CATSPERE: variants seen among roughly 807,000 people sequenced by gnomAD.
CATSPERE encodes the protein catsper channel auxiliary subunit epsilon, also known as cation channel sperm-associated auxiliary subunit epsilon.
Under a neutral mutation model 114.1 loss-of-function variants are expected in CATSPERE, and 93 were observed. The ratio of observed to expected loss-of-function variants is 0.81; its 90% CI spans 0.69 to 0.97. The LOEUF is 0.97. Among genes scored for constraint, CATSPERE ranks in the 50% least tolerant of loss-of-function variants. The pLI is 0.00. For missense variants in CATSPERE, 1,058 were observed against 1,131.6 expected (o/e 0.93, Z 0.93); for synonymous variants, 341 against 384.1 (o/e 0.89, Z 1.31).
At chr1:244,519,635 C>T (rs1001234500) in intron 8 of CATSPERE, among the ~76,000 whole-genome samples, 2 of 152,120 alleles carry the variant, frequency 1.3e-5, no homozygotes, top group East Asian at 1.9e-4. Flanking sequence ...AATGGGATGG[C>T]GTCCTGTCCA....
chr1:244,572,181 A>G, intron 10 of CATSPERE, 149 bp from the exon 11 acceptor site: 1 of 607,354 alleles, frequency 1.6e-6, no homozygotes, highest in East Asian at 2.8e-5. Flanking sequence ...GTGTAAAGTT[A>G]TGGGTTCATA....
At chr1:244,609,084 G>A (rs1001599087) in intron 18 of CATSPERE, among the ~76,000 whole-genome samples, 4 of 152,074 alleles carry the variant, frequency 2.6e-5, no homozygotes, top group African/African-American at 9.7e-5. Flanking sequence ...TACTCGGGAG[G>A]CTGAGGCAGG....
At chr1:244,582,996 A>G (rs1475603702) in intron 12 of CATSPERE, among the ~76,000 whole-genome samples, 1 of 82,398 alleles carries the variant, frequency 1.2e-5, no homozygotes, top group African/African-American at 3.5e-5. Context: ...ACAGAGACTG[A>G]TCAGGAAGAG....
chr1:244,621,299 A>ATTTATATAGATATAGC (rs1672318243), intron 20 of CATSPERE, among the ~76,000 whole-genome samples: 3 of 86,632 alleles, frequency 3.5e-5, no homozygotes, highest in Admixed American at 1.4e-4. Flanking sequence ...ATCTATATAA[A>ATTTATATAGATATAGC]TATATAAATA....
chr1:244,516,136 A>G (rs2148350078), intron 7 of CATSPERE, among the ~76,000 whole-genome samples: 1 of 151,912 alleles, frequency 6.6e-6, no homozygotes, highest in Middle Eastern at 3.5e-3. Flanking sequence ...GGTTGCAGTG[A>G]GCTGTGATTG....
intron 6 of CATSPERE, among the ~76,000 whole-genome samples, chr1:244,494,840 G>A (rs193162897): frequency 5.0e-4 from 76 of 152,208 alleles, no homozygotes; most frequent in Middle Eastern, 3.4e-3. Flanking sequence ...AGATGATTGC[G>A]TAAGCTCATG....
intron 6 of CATSPERE, among the ~76,000 whole-genome samples, chr1:244,491,971 A>G (rs912670598): frequency 5.9e-5 from 9 of 152,156 alleles, no homozygotes; most frequent in South Asian, 2.1e-4. Context: ...CAACCAAAAA[A>G]AGTCCAGGAC....
At chr1:244,600,379 G>C (rs1159299498) in intron 17 of CATSPERE, among the ~76,000 whole-genome samples, 2 of 150,376 alleles carry the variant, frequency 1.3e-5, no homozygotes, top group African/African-American at 2.4e-5. Flanking sequence ...AAAAGAGAGA[G>C]AGAGAGACTA....
Position 244,610,234 on chromosome 1 carries a change from T to C in CATSPERE, c.2404-6T>C, listed in dbSNP as rs1479849915. ...CTACCCACATACATGTGCCATCTTT[T>C]GACAGAGTGGTTGTTTACATGAAGC... On this transcript the variant is annotated splice_region_variant and splice_polypyrimidine_tract_variant and intron_variant, in intron 18 of 21. Coordinates refer to ENST00000366534, the MANE Select transcript of CATSPERE (RefSeq NM_001130957.2). 1 of 1,594,160 alleles carries C rather than the reference T, an allele frequency of 6.3e-7. No individual in the cohort carries two copies. The highest frequency in any genetic ancestry group is 8.6e-7 in the Non-Finnish European group (1 of 1,167,968).
chr1:244,477,605 T>C lies in CATSPERE; in HGVS notation c.179T>C (p.Leu60Pro). 1 of 1,582,378 alleles carries C rather than the reference T, an allele frequency of 6.3e-7. No individual in the cohort carries two copies. Among genetic ancestry groups the C allele is most frequent in the Non-Finnish European group, 8.7e-7 (1 of 1,152,116 alleles). ...AGTGTGCCAGAAACTTGTTTTGTGC[T>C]AAATAAAAGGTAAGATTTATGCCAT... Reference protein sequence around the residue: ...EWSVPETCFVLNKSSPTTELR... With the variant: ...EWSVPETCFVPNKSSPTTELR... The change falls in exon 3 of 22, where the codon CTA becomes CCA. Residue 60 changes from leucine to proline, a missense_variant. Physicochemically the swap from Leu to Pro is moderately conservative, Grantham distance 98. Coordinates refer to ENST00000366534, the MANE Select transcript of CATSPERE (RefSeq NM_001130957.2).
At chr1:244,523,331 G>A (rs535906624) in intron 8 of CATSPERE, among the ~76,000 whole-genome samples, 9 of 144,966 alleles carry the variant, frequency 6.2e-5, no homozygotes, top group Non-Finnish European at 8.9e-5. Flanking sequence ...TTGATGGGAC[G>A]TATCTCAAAA....
rs868084229 is a variant in CATSPERE at position 244,575,288 on chromosome 1, C to A, written c.1950+2516C>A. Among the ~76,000 whole-genome samples, 6 of 152,218 alleles carry A rather than the reference C, an allele frequency of 3.9e-5. No homozygotes were observed. Among genetic ancestry groups the A allele is most frequent in the Non-Finnish European group, 5.9e-5 (4 of 68,036 alleles). ...TGGCAGGTGCCTGCCGTAAGTTGTA[C>A]GATCATGCTCTTTCACCTCCTCTGC... On this transcript the variant is annotated intron_variant, in intron 11 of 21. Transcript: ENST00000366534. This position sits in a 1 kb window ranked among gnomAD's most constrained non-coding sequence, Gnocchi z 4.5.
At chr1:244,529,569 C>T (rs1431943975) in intron 8 of CATSPERE, among the ~76,000 whole-genome samples, 4 of 151,726 alleles carry the variant, frequency 2.6e-5, no homozygotes, top group African/African-American at 4.8e-5. Context: ...GTTATTAATC[C>T]CTTGTCAGAT....
intron 17 of CATSPERE, among the ~76,000 whole-genome samples, chr1:244,596,773 AAT>A (rs1491202094): frequency 2.2e-4 from 30 of 138,712 alleles, no homozygotes; most frequent in Non-Finnish European, 4.2e-4. Context: ...CCTAAAGTAA[AAT>A]TTAAAAAAAA....
At chr1:244,595,979 G>A (rs769650074) in intron 17 of CATSPERE, among the ~76,000 whole-genome samples, 1 of 152,172 alleles carries the variant, frequency 6.6e-6, no homozygotes, top group Non-Finnish European at 1.5e-5. Flanking sequence ...CTCTGGGAGA[G>A]GGGTAGAGGA....
intron 9 of CATSPERE, among the ~76,000 whole-genome samples, chr1:244,557,081 G>A (rs961220077): frequency 1.3e-5 from 2 of 152,082 alleles, no homozygotes; most frequent in Non-Finnish European, 1.5e-5. Context: ...GTTGGCCTAT[G>A]TGTCTATTTT....
upstream of CATSPERE, among the ~76,000 whole-genome samples, chr1:244,460,956 T>C (rs769932333): frequency 5.3e-5 from 8 of 152,210 alleles, no homozygotes; most frequent in Admixed American, 2.6e-4. Flanking sequence ...GCGTGCCTGC[T>C]CCCTGGAAAG....
chr1:244,531,533 T>C (rs935266096), intron 8 of CATSPERE, among the ~76,000 whole-genome samples: 1 of 152,148 alleles, frequency 6.6e-6, no homozygotes, highest in Admixed American at 6.5e-5. Context: ...TTTTTTTTTG[T>C]CATGAAGTGA....
chr1:244,595,324 G>C (rs1357303115), intron 17 of CATSPERE, among the ~76,000 whole-genome samples: 2 of 152,178 alleles, frequency 1.3e-5, no homozygotes, highest in African/African-American at 4.8e-5. Flanking sequence ...GCTATAAAGA[G>C]AGCGAGGCTC....
Sources: gnomAD v4.1 joint callset for allele counts (sites outside exome capture counted in the v4.1 genomes callset) on GRCh38, gnomAD v4.1.1 for gene constraint, Gnocchi (gnomAD v3.1) non-coding constraint, MANE v1.5 for transcripts, NCBI Gene and HGNC (gene_info 2026-07-23, HGNC 2026-07-21) for gene names.